KDM4C: variants seen among roughly 807,000 people sequenced by gnomAD.
KDM4C encodes lysine demethylase 4C.
KDM4C carries 81 observed loss-of-function variants against 129.3 expected under a neutral mutation model. The observed-to-expected ratio is 0.63, with a 90% CI of 0.52 to 0.75. The LOEUF (loss-of-function observed/expected upper bound fraction) is 0.75. KDM4C is among the 30% of genes least tolerant of loss of function. KDM4C has a pLI of 0.00. For missense variants in KDM4C, 1,457 were observed against 1,304.0 expected, an observed-to-expected ratio of 1.12 and a Z score of -1.81; for synonymous variants, 573 against 456.1, an observed-to-expected ratio of 1.26 and a Z score of -3.26.
chr9:6,810,798 G>A (rs1001984126), intron 3 of KDM4C, among the ~76,000 whole-genome samples: 1 of 152,138 alleles, frequency 6.6e-6, no homozygotes, highest in Non-Finnish European at 1.5e-5. Context: ...TTGAGCCTGG[G>A]AGGCTGAGGC....
chr9:6,839,132 G>A lies in KDM4C; in HGVS notation c.436-10375G>A, dbSNP rs112634116. ...TGCCAGCACAGTAGTGGAGTTTGGT[G>A]GATGGTCTTTTCTTTAAAGACAAAG... On this transcript the variant is annotated intron_variant, in intron 4 of 21. Transcript: ENST00000381309. Among the ~76,000 whole-genome samples, 323 of 152,264 alleles carry A rather than the reference G, an allele frequency of 2.1e-3. 2 individuals are homozygous for A. The highest frequency in any genetic ancestry group is 7.3e-3 in the African/African-American group (305 of 41,548).
chr9:6,914,694 C>T (rs965401518), intron 8 of KDM4C, among the ~76,000 whole-genome samples: 1 of 152,184 alleles, frequency 6.6e-6, no homozygotes, highest in African/African-American at 2.4e-5. Flanking sequence ...GGCTCCACGC[C>T]CATGAATGGG....
chr9:6,722,133 A>C (rs953503146), intron 1 of KDM4C, among the ~76,000 whole-genome samples: 1 of 152,168 alleles, frequency 6.6e-6, no homozygotes, highest in East Asian at 1.9e-4. Context: ...AGCCTTGACA[A>C]ATTTGGCATC....
intron 8 of KDM4C, among the ~76,000 whole-genome samples, chr9:6,927,089 T>TCCTA (rs1554647149): frequency 4.8e-5 from 7 of 145,086 alleles, no homozygotes; most frequent in African/African-American, 7.8e-5. Flanking sequence ...AAAAAAAATT[T>TCCTA]TCTATCTATC....
chr9:7,168,442 A>G (rs1329574771), intron 20 of KDM4C, among the ~76,000 whole-genome samples: 2 of 152,184 alleles, frequency 1.3e-5, no homozygotes, highest in East Asian at 3.8e-4. Flanking sequence ...TTCATGTTGT[A>G]TTAAACCTAA....
At chr9:6,823,643 C>T (rs1833400833) in intron 4 of KDM4C, among the ~76,000 whole-genome samples, 1 of 152,164 alleles carries the variant, frequency 6.6e-6, no homozygotes, top group Admixed American at 6.5e-5. Context: ...CAAAGGTGTC[C>T]CCTACCCTCT....
intron 17 of KDM4C, among the ~76,000 whole-genome samples, chr9:7,098,272 T>G (rs763499178): frequency 2.2e-4 from 34 of 152,352 alleles, no homozygotes; most frequent in Non-Finnish European, 4.7e-4. Context: ...TCTCTTGACC[T>G]AGCTGAGCTC....
At chr9:6,924,817 A>G in intron 8 of KDM4C, 1 of 979,964 alleles carries the variant, frequency 1.0e-6, no homozygotes, top group Non-Finnish European at 1.2e-6. Context: ...TCTGCATTCC[A>G]CTTTGCTATT....
intron 19 of KDM4C, among the ~76,000 whole-genome samples, chr9:7,151,876 C>A (rs987976288): frequency 1.3e-5 from 2 of 152,116 alleles, no homozygotes; most frequent in African/African-American, 2.4e-5. Flanking sequence ...TTCTTCTAAG[C>A]ATGTTAGAAA....
At chr9:7,073,059 A>G (rs1452543874) in intron 17 of KDM4C, among the ~76,000 whole-genome samples, 1 of 152,132 alleles carries the variant, frequency 6.6e-6, no homozygotes, top group Non-Finnish European at 1.5e-5. Context: ...GTGTTTTGGG[A>G]GATGAGAGCT....
chr9:6,963,108 G>C (rs1448148200), intron 8 of KDM4C, among the ~76,000 whole-genome samples: 1 of 152,124 alleles, frequency 6.6e-6, no homozygotes, highest in African/African-American at 2.4e-5. Context: ...TCTGTTATGT[G>C]GGGATAATAA....
At chr9:6,893,055 T>G in intron 7 of KDM4C, 40 bp from the exon 8 acceptor site, 1 of 1,385,496 alleles carries the variant, frequency 7.2e-7, no homozygotes, top group Non-Finnish European at 9.5e-7. Flanking sequence ...ATTTAGGAAG[T>G]CTTATTTTTA....
chr9:7,173,624 A>G (rs553198934), intron 21 of KDM4C, among the ~76,000 whole-genome samples: 1 of 152,332 alleles, frequency 6.6e-6, no homozygotes, highest in African/African-American at 2.4e-5. Flanking sequence ...GAAGGGCTTC[A>G]AGGTACATGC....
chr9:6,965,259 C>G (rs1485717436), intron 8 of KDM4C, among the ~76,000 whole-genome samples: 1 of 151,094 alleles, frequency 6.6e-6, no homozygotes, highest in Non-Finnish European at 1.5e-5. Context: ...AAGTCTAAAA[C>G]CACATATCAA....
chr9:7,058,315 G>A (rs564448784), intron 17 of KDM4C, among the ~76,000 whole-genome samples: 4 of 152,222 alleles, frequency 2.6e-5, no homozygotes, highest in African/African-American at 4.8e-5. Flanking sequence ...TTAGACTAAC[G>A]ATGCAAGTGC....
chr9:6,955,673 C>T (rs569352359), intron 8 of KDM4C, among the ~76,000 whole-genome samples: 1 of 152,260 alleles, frequency 6.6e-6, no homozygotes, highest in South Asian at 2.1e-4. Flanking sequence ...TCCCTTTCTT[C>T]TTATGTAAAA....
At chr9:6,921,433 A>G (rs954532894) in intron 8 of KDM4C, among the ~76,000 whole-genome samples, 5 of 152,182 alleles carry the variant, frequency 3.3e-5, no homozygotes, top group Non-Finnish European at 4.4e-5. Flanking sequence ...CCAGTTGCTC[A>G]GGCCAAACAC....
chr9:6,892,515 C>T (rs1380107556), intron 7 of KDM4C, among the ~76,000 whole-genome samples: 2 of 152,134 alleles, frequency 1.3e-5, no homozygotes, highest in Non-Finnish European at 2.9e-5. Flanking sequence ...AAAATGCACT[C>T]ACTCTAACAT....
intron 8 of KDM4C, among the ~76,000 whole-genome samples, chr9:6,958,084 C>CTT (rs34489986): frequency 0.26 from 37,218 of 143,910 alleles, 5,124 homozygotes; most frequent in South Asian, 0.37. Context: ...AGCAAAGTAG[C>CTT]TTTTTTTTTT....
Sources: gnomAD v4.1 joint callset for allele counts (sites outside exome capture counted in the v4.1 genomes callset) on GRCh38, gnomAD v4.1.1 for gene constraint, MANE v1.5 for transcripts, NCBI Gene and HGNC (gene_info 2026-07-23, HGNC 2026-07-21) for gene names.